Variants in PLAC9 observed in about 807,000 individuals in gnomAD.
The protein encoded by PLAC9 is placenta-specific protein 9.
Under a neutral mutation model 11.5 loss-of-function variants are expected in PLAC9, and 12 were observed. That is an observed-to-expected ratio of 1.05 (90% confidence interval 0.67 to 1.69). The LOEUF is 1.69. PLAC9 is among the 40% of genes most tolerant of loss of function. PLAC9 has a pLI of 0.00. For synonymous variants in PLAC9, 62 were observed against 58.1 expected (o/e 1.07, Z -0.31); for missense variants, 132 against 130.5 (o/e 1.01, Z -0.06).
intron 3 of PLAC9, 58 bp from the exon 4 acceptor site, chr10:80,144,842 G>C: frequency 2.0e-6 from 3 of 1,515,900 alleles, no homozygotes; most frequent in Non-Finnish European, 2.6e-6. Context: ...GGGCACCACG[G>C]GGGCAGGTAC....
intron 1 of PLAC9, among the ~76,000 whole-genome samples, chr10:80,133,207 A>G (rs545354948): frequency 5.4e-4 from 82 of 152,296 alleles, no homozygotes; most frequent in Non-Finnish European, 7.1e-4. Flanking sequence ...GAGAGAGGAT[A>G]TTGAAGAAAA....
chr10:80,142,315 T>C, intron 2 of PLAC9, 136 bp downstream of exon 2: 1 of 661,396 alleles, frequency 1.5e-6, no homozygotes, highest in Non-Finnish European at 2.5e-6. Context: ...TCGTCCAACA[T>C]CACCCTCCCA....
Position 80,140,233 on chromosome 10 carries a change from A to G in PLAC9, c.65-1849A>G, listed in dbSNP as rs569930887. Among the ~76,000 whole-genome samples, 11 of 151,426 alleles carry G rather than the reference A, an allele frequency of 7.3e-5. No individual in the cohort carries two copies. In the South Asian group the frequency reaches 2.3e-3, roughly 32 times the overall value. Reference sequence around the variant, plus strand: ...TTCCAATGCTTTAAAAAAAAAAATGACAACCATAAATACTCCTCTAGACCT... The same window carrying G: ...TTCCAATGCTTTAAAAAAAAAAATGGCAACCATAAATACTCCTCTAGACCT... On this transcript the variant is annotated intron_variant, in intron 1 of 3. Transcript: ENST00000372263.
At chr10:80,141,462 G>C (rs572899461) in intron 1 of PLAC9, among the ~76,000 whole-genome samples, 2 of 152,116 alleles carry the variant, frequency 1.3e-5, no homozygotes, top group East Asian at 3.9e-4. Context: ...AGCAGGGCGT[G>C]GTGGCAGGTG....
intron 2 of PLAC9, 146 bp downstream of exon 2, chr10:80,142,325 A>G (rs1845050272): frequency 1.6e-6 from 1 of 609,612 alleles, no homozygotes; most frequent in East Asian, 3.2e-5. Flanking sequence ...TCACCCTCCC[A>G]TCTAGGCTGC....
intron 1 of PLAC9, among the ~76,000 whole-genome samples, chr10:80,134,091 A>C (rs1364393641): frequency 6.6e-6 from 1 of 152,170 alleles, no homozygotes; most frequent in African/African-American, 2.4e-5. Flanking sequence ...TGGATACAAA[A>C]AAATACAAAG....
Position 80,141,599 on chromosome 10 carries a change from A to AAAAC in PLAC9, c.65-469_65-466dup, listed in dbSNP as rs3834751. Among the ~76,000 whole-genome samples, 3,505 of 151,844 alleles carry AAAAC rather than the reference A, an allele frequency of 0.023. 268 individuals are homozygous for AAAAC. In the East Asian group the frequency reaches 0.29, roughly 12 times the overall value. On this transcript the variant is annotated intron_variant, in intron 1 of 3. Transcript: ENST00000372263. The stretch of plus-strand genomic sequence containing the variant: ...GGGCGACAGAGCGAGACTCCATCTC[A>AAAAC]AAACAAACAAACAAACACACAAAAA...
chr10:80,134,433 T>G (rs1288923674), intron 1 of PLAC9, among the ~76,000 whole-genome samples: 1 of 152,016 alleles, frequency 6.6e-6, no homozygotes, highest in Non-Finnish European at 1.5e-5. Flanking sequence ...CTGACTAATT[T>G]TGGTATTTTT....
Position 80,144,974 on chromosome 10 carries a change from G to C in PLAC9, c.*64G>C. 6.5e-7 allele frequency: 1 copy of C among 1,548,682 alleles called. No homozygotes were observed. The highest frequency in any genetic ancestry group is 2.4e-5 in the East Asian group (1 of 41,894). The stretch of plus-strand genomic sequence containing the variant: ...CTGCCAGGCAGCGCCCACAGAACCA[G>C]CCCTGTCCTCTCGACTTCCTTCCTT... On this transcript the variant is annotated 3_prime_UTR_variant, in exon 4 of 4. Transcript: ENST00000372263.
intron 1 of PLAC9, 140 bp from the exon 2 acceptor site, chr10:80,141,942 C>G (rs1564590290): frequency 2.0e-6 from 1 of 497,170 alleles, no homozygotes; most frequent in East Asian, 3.4e-5. Flanking sequence ...CACTCGCACA[C>G]TGACCCCCAC....
At chr10:80,140,553 G>A (rs1352570316) in intron 1 of PLAC9, among the ~76,000 whole-genome samples, 1 of 152,194 alleles carries the variant, frequency 6.6e-6, no homozygotes, top group African/African-American at 2.4e-5. Flanking sequence ...TCCTTCCTGA[G>A]TGTCAGCGTT....
upstream of PLAC9, chr10:80,132,462 C>T (rs1201646741): frequency 5.4e-6 from 2 of 373,350 alleles, no homozygotes; most frequent in South Asian, 4.7e-5. Context: ...TCACCCAATG[C>T]CCCCCGCCCC....
rs1714544854 is a variant in PLAC9, at chr10:80,144,582, A to G, written c.283+239A>G. 2.8e-5 allele frequency among the ~76,000 whole-genome samples: 4 copies of G among 143,042 alleles called. No homozygotes were observed. The South Asian group carries it at 9.3e-4, about 33-fold the overall frequency. 93.8% of individuals were successfully genotyped at this position (143,042 alleles called of 152,430 possible). A position where few individuals can be genotyped will look rare whatever the true frequency, so the allele number is the denominator to read the frequency against. On this transcript the variant is annotated intron_variant, in intron 3 of 3. Coordinates refer to ENST00000372263, the MANE Select transcript of PLAC9 (RefSeq NM_001012973.3). ...ATGAGGTTCTGGAAGAGCCGGCCCT[A>G]GATGCCATCTCAGCACAACCCCTGC... is the stretch of plus-strand genomic sequence containing the variant.
intron 1 of PLAC9, among the ~76,000 whole-genome samples, chr10:80,133,636 G>A (rs1844938570): frequency 6.6e-6 from 1 of 152,174 alleles, no homozygotes; most frequent in Non-Finnish European, 1.5e-5. Flanking sequence ...GTGCGGAGGA[G>A]AGAGGCTGTC....
intron 2 of PLAC9, among the ~76,000 whole-genome samples, chr10:80,142,627 T>C (rs1845053557): frequency 6.6e-6 from 1 of 152,258 alleles, no homozygotes; most frequent in South Asian, 2.1e-4. Flanking sequence ...TAGTTATGAA[T>C]ATCTCAACAT....
chr10:80,133,367 C>G (rs980506466), intron 1 of PLAC9, among the ~76,000 whole-genome samples: 7 of 152,198 alleles, frequency 4.6e-5, no homozygotes, highest in Non-Finnish European at 1.0e-4. Flanking sequence ...CTCAGAGGGC[C>G]TGTGGAGGCT....
rs2819874 is a variant in PLAC9, at chr10:80,144,882, G to A, written c.284-18G>A. ...CGGCACCCCAGCTTGCTCACTGGGG[G>A]CCTCTGCTTTCTTTCAGATGGCTTC... On this transcript the variant is annotated intron_variant, in intron 3 of 3. Coordinates refer to ENST00000372263, the MANE Select transcript of PLAC9 (RefSeq NM_001012973.3). 848,695 of 1,568,220 alleles carry A rather than the reference G, an allele frequency of 0.54. 231,897 individuals are homozygous for A. Among genetic ancestry groups the A allele is most frequent in the Admixed American group, 0.67 (35,294 of 52,726 alleles).
At chr10:80,139,988 T>C (rs1314767035) in intron 1 of PLAC9, among the ~76,000 whole-genome samples, 2 of 152,366 alleles carry the variant, frequency 1.3e-5, no homozygotes, top group East Asian at 3.9e-4. Flanking sequence ...TCCATCTTAC[T>C]GCACAGAGTA....
At chr10:80,142,319 C>A in intron 2 of PLAC9, 140 bp downstream of exon 2, 1 of 650,782 alleles carries the variant, frequency 1.5e-6, no homozygotes, top group East Asian at 3.2e-5. Context: ...CCAACATCAC[C>A]CTCCCATCTA....
Sources: allele counts gnomAD v4.1 joint callset (sites outside exome capture counted in the v4.1 genomes callset), GRCh38; gene constraint gnomAD v4.1.1; transcripts MANE v1.5; gene names NCBI Gene and HGNC (gene_info 2026-07-23, HGNC 2026-07-21).